SMIM14: variants seen among roughly 807,000 people sequenced by gnomAD.
SMIM14 encodes the protein small integral membrane protein 14.
In SMIM14, 5 loss-of-function variants were observed where a neutral mutation model predicts 12.6. The observed-to-expected ratio is 0.40, with a 90% confidence interval of 0.21 to 0.83. The LOEUF (loss-of-function observed/expected upper bound fraction) is 0.83. Ranked by LOEUF, SMIM14 falls within the 40% of genes least tolerant of loss-of-function variation. SMIM14 has a pLI of 0.37. For synonymous variants in SMIM14, 30 were observed against 40.1 expected, an observed-to-expected ratio of 0.75 and a Z score of 0.95; for missense variants, 86 against 119.1, an observed-to-expected ratio of 0.72 and a Z score of 1.29.
chr4:39,554,274 A>T (rs1368788338), intron 4 of SMIM14, among the ~76,000 whole-genome samples: 1 of 152,246 alleles, frequency 6.6e-6, no homozygotes, highest in Non-Finnish European at 1.5e-5. Flanking sequence ...GGAGTTCAAG[A>T]CCAGCCTGGC....
chr4:39,597,446 T>C (rs1391653913), intron 2 of SMIM14, among the ~76,000 whole-genome samples: 3 of 147,776 alleles, frequency 2.0e-5, no homozygotes, highest in Non-Finnish European at 3.0e-5. Flanking sequence ...GTATTTTTTT[T>C]TTTTTTTTTT....
chr4:39,590,799 C>CT (rs1714032639), intron 2 of SMIM14, among the ~76,000 whole-genome samples: 1 of 113,850 alleles, frequency 8.8e-6, no homozygotes, highest in Non-Finnish European at 1.9e-5. Flanking sequence ...AACACTCTGT[C>CT]TCAAAAAAAA....
In SMIM14 at chr4:39,563,398, C is replaced by T. The variant is rs1578314403; in HGVS notation, c.125-6828G>A. On this transcript the variant is annotated intron_variant, in intron 3 of 4. Transcript: ENST00000295958. Reference sequence around the variant, plus strand: ...TCTAGCCAAGGATTCCCTGGCCTGGCTATGCATCAGAATAGCCTGTGACAG... The same window carrying T: ...TCTAGCCAAGGATTCCCTGGCCTGGTTATGCATCAGAATAGCCTGTGACAG... Among the ~76,000 whole-genome samples the T allele has an allele frequency of 2.6e-5, 4 of 152,242 alleles. 1 individual carries two copies. The highest frequency in any genetic ancestry group is 2.6e-4 in the Admixed American group (4 of 15,286).
Position 39,579,392 on chromosome 4 carries a change from AC to A in SMIM14, c.76-6930del, listed in dbSNP as rs1713372970. ...GCCACTGCACTCCAGTCTGGACAAC[AC>A]AGTGAGACAGTGCCTCCAAAAAAAA... On this transcript the variant is annotated intron_variant, in intron 2 of 4. Coordinates refer to ENST00000295958, the MANE Select transcript of SMIM14 (RefSeq NM_174921.3). 2.7e-5 allele frequency among the ~76,000 whole-genome samples: 4 copies of A among 146,986 alleles called. No individual in the cohort carries two copies. In the South Asian group the frequency reaches 8.7e-4, roughly 32 times the overall value.
At chr4:39,624,922 C>T (rs1258918149) in intron 1 of SMIM14, among the ~76,000 whole-genome samples, 1 of 150,478 alleles carries the variant, frequency 6.6e-6, no homozygotes, top group East Asian at 2.0e-4. Context: ...AGGATGCAGA[C>T]TTGGCTGGGC....
chr4:39,582,007 G>A (rs942848900), intron 2 of SMIM14, among the ~76,000 whole-genome samples: 1 of 152,142 alleles, frequency 6.6e-6, no homozygotes, highest in Admixed American at 6.5e-5. Flanking sequence ...AAGTGGCTGG[G>A]ATTGCAGGCA....
At chr4:39,626,477 GGAT>G (rs1219842689) in intron 1 of SMIM14, among the ~76,000 whole-genome samples, 2 of 152,144 alleles carry the variant, frequency 1.3e-5, no homozygotes, top group East Asian at 3.9e-4. Context: ...ACAGGAGGTG[GGAT>G]TCAAACGCCC....
chr4:39,601,677 T>G (rs1020988303), intron 2 of SMIM14, among the ~76,000 whole-genome samples: 2 of 152,198 alleles, frequency 1.3e-5, no homozygotes, highest in Non-Finnish European at 2.9e-5. Flanking sequence ...TGGGGTGCAG[T>G]GGCTCATGCC....
At chr4:39,584,970 G>A (rs564988205) in intron 2 of SMIM14, among the ~76,000 whole-genome samples, 1 of 151,726 alleles carries the variant, frequency 6.6e-6, no homozygotes. Flanking sequence ...ACTTTCCCCA[G>A]CTCTACAAAG....
Position 39,558,924 on chromosome 4 carries a change from G to C in SMIM14, c.125-2354C>G, listed in dbSNP as rs1414528879. 6.6e-6 allele frequency among the ~76,000 whole-genome samples: 1 copy of C among 152,040 alleles called. No homozygotes were observed. Among genetic ancestry groups the C allele is most frequent in the African/African-American group, 2.4e-5 (1 of 41,404 alleles). The stretch of plus-strand genomic sequence containing the variant: ...GGGGTTTCACCATGTTGGCCAGGCT[G>C]GTCTCAAACTCCTGACCTCGTGATC... On this transcript the variant is annotated intron_variant, in intron 3 of 4. Coordinates refer to ENST00000295958, the MANE Select transcript of SMIM14 (RefSeq NM_174921.3). This position sits in a 1 kb window ranked among gnomAD's most constrained non-coding sequence, Gnocchi z 4.3.
intron 4 of SMIM14, among the ~76,000 whole-genome samples, chr4:39,553,064 T>G (rs1469050925): frequency 1.3e-5 from 2 of 151,920 alleles, no homozygotes; most frequent in Non-Finnish European, 2.9e-5. Context: ...TAATAGTTTT[T>G]TTTTTTTTTT....
intron 1 of SMIM14, among the ~76,000 whole-genome samples, chr4:39,614,065 C>T (rs182289106): frequency 8.4e-4 from 127 of 150,754 alleles, no homozygotes; most frequent in Non-Finnish European, 1.5e-3. Flanking sequence ...TGGTGGTGCA[C>T]GGCTGTAATC....
At chr4:39,599,660 A>C (rs1052922414) in intron 2 of SMIM14, among the ~76,000 whole-genome samples, 2 of 152,184 alleles carry the variant, frequency 1.3e-5, no homozygotes, top group Non-Finnish European at 2.9e-5. Context: ...ACAGTGGCTC[A>C]CACCTGTAAT....
intron 4 of SMIM14, among the ~76,000 whole-genome samples, chr4:39,555,178 TA>T (rs900011663): frequency 3.7e-4 from 54 of 147,174 alleles, no homozygotes; most frequent in African/African-American, 6.0e-4. Context: ...AATTCAGTGT[TA>T]AAAAAAAAAC....
At chr4:39,606,685 T>G (rs1267575914) in intron 1 of SMIM14, among the ~76,000 whole-genome samples, 3 of 148,798 alleles carry the variant, frequency 2.0e-5, no homozygotes, top group Non-Finnish European at 4.4e-5. Flanking sequence ...CTACAAAGAA[T>G]AGTGACACCT....
chr4:39,567,666 G>A (rs951627732), intron 3 of SMIM14, among the ~76,000 whole-genome samples: 59 of 152,114 alleles, frequency 3.9e-4, no homozygotes, highest in African/African-American at 1.4e-3. Context: ...GAACCTGGGA[G>A]GTGGAGGTTG....
intron 2 of SMIM14, among the ~76,000 whole-genome samples, chr4:39,584,808 A>AAG (rs1553863809): frequency 1.3e-5 from 2 of 150,430 alleles, no homozygotes; most frequent in South Asian, 2.1e-4. Flanking sequence ...AAAAAAAAAA[A>AAG]AAAGAAAAAA....
intron 1 of SMIM14, among the ~76,000 whole-genome samples, chr4:39,613,027 A>G (rs1332466519): frequency 6.6e-6 from 1 of 152,210 alleles, no homozygotes; most frequent in African/African-American, 2.4e-5. Context: ...GTTTTTATCA[A>G]TGTATTATCC....
At chr4:39,627,677 A>T (rs1416616904) in intron 1 of SMIM14, among the ~76,000 whole-genome samples, 3 of 152,174 alleles carry the variant, frequency 2.0e-5, no homozygotes, top group African/African-American at 7.2e-5. Flanking sequence ...TGTGTGTTCC[A>T]CTGGGGCCAA....
Sources: allele counts gnomAD v4.1 joint callset (sites outside exome capture counted in the v4.1 genomes callset), GRCh38; gene constraint gnomAD v4.1.1; non-coding constraint Gnocchi (gnomAD v3.1); transcripts MANE v1.5; gene names NCBI Gene and HGNC (gene_info 2026-07-23, HGNC 2026-07-21).